ANO3: variants seen among roughly 807,000 people sequenced by gnomAD.
ANO3 encodes anoctamin 3, also known as anoctamin-3.
A neutral mutation model predicts 144.8 loss-of-function variants in ANO3; 99 were observed. The ratio of observed to expected loss-of-function variants is 0.68; its 90% CI spans 0.58 to 0.81. The LOEUF (loss-of-function observed/expected upper bound fraction) is 0.81, where lower values mean the gene tolerates loss of function less well. ANO3 is among the 30% of genes least tolerant of loss of function. ANO3 has a pLI of 0.00. For synonymous variants in ANO3, 414 were observed against 392.6 expected (o/e 1.05, Z -0.64); for missense variants, 905 against 1,202.2 (o/e 0.75, Z 3.66).
chr11:26,303,439 C>G (rs771218204), intron 1 of ANO3, among the ~76,000 whole-genome samples: 1 of 152,102 alleles, frequency 6.6e-6, no homozygotes, highest in East Asian at 1.9e-4. Context: ...CGAACTAATG[C>G]AGGAACAGAA....
chr11:26,553,078 T>C (rs889060158), intron 12 of ANO3, among the ~76,000 whole-genome samples, 171 bp from the exon 13 acceptor site: 1 of 148,924 alleles, frequency 6.7e-6, no homozygotes, highest in Non-Finnish European at 1.5e-5. Context: ...TTCTAAAGTG[T>C]TTGAATTGGA....
intron 14 of ANO3, among the ~76,000 whole-genome samples, chr11:26,585,592 T>C (rs1249176850): frequency 5.3e-5 from 8 of 152,170 alleles, no homozygotes; most frequent in Admixed American, 5.2e-4. Context: ...TACATCCCTA[T>C]CTACCTATCT....
At chr11:26,545,084 T>C (rs2134212672) in intron 11 of ANO3, among the ~76,000 whole-genome samples, 1 of 152,152 alleles carries the variant, frequency 6.6e-6, no homozygotes, top group Middle Eastern at 3.4e-3. Context: ...ACAAGCCCCA[T>C]TTTTCTACAA....
At chr11:26,242,707 A>C (rs1852688121) in intron 1 of ANO3, among the ~76,000 whole-genome samples, 1 of 152,224 alleles carries the variant, frequency 6.6e-6, no homozygotes, top group Non-Finnish European at 1.5e-5. Flanking sequence ...TTGCTAGCTT[A>C]CCAAGTAGCA....
intron 4 of ANO3, among the ~76,000 whole-genome samples, chr11:26,482,426 ATGTGTGTGTGTGTGTGTGTGTG>A (rs58664691): frequency 1.4e-5 from 2 of 141,046 alleles, no homozygotes; most frequent in African/African-American, 2.6e-5. Context: ...ACACAGATAT[ATGTGTGTGTGTGTGTGTGTGTG>A]TGTGTGTGTG....
At chr11:26,595,470 T>G (rs1015779975) in intron 14 of ANO3, among the ~76,000 whole-genome samples, 5 of 144,256 alleles carry the variant, frequency 3.5e-5, no homozygotes, top group Non-Finnish European at 1.5e-5. Context: ...GTTTTTTTTT[T>G]TTTTTTTTTT....
intron 1 of ANO3, among the ~76,000 whole-genome samples, chr11:26,246,585 TAATTTA>T (rs1299251477): frequency 3.5e-4 from 52 of 149,688 alleles, no homozygotes; most frequent in African/African-American, 1.2e-3. Flanking sequence ...TTTTTCATAA[TAATTTA>T]CCTTATTTTT....
chr11:26,514,598 T>C (rs562206905), intron 5 of ANO3, among the ~76,000 whole-genome samples: 246 of 152,230 alleles, frequency 1.6e-3, no homozygotes, highest in African/African-American at 5.6e-3. Flanking sequence ...TTATAGCATG[T>C]GATTTCTTCC....
chr11:26,493,473 TC>T (rs1419789752), intron 4 of ANO3, among the ~76,000 whole-genome samples: 6 of 152,298 alleles, frequency 3.9e-5, no homozygotes, highest in African/African-American at 1.4e-4. Flanking sequence ...GTGTTTGGCC[TC>T]CAAATAAGGG....
chr11:26,270,717 A>T, intron 1 of ANO3, among the ~76,000 whole-genome samples: 1 of 152,202 alleles, frequency 6.6e-6, no homozygotes, highest in Non-Finnish European at 1.5e-5. Context: ...AAATGAGAAA[A>T]ATACAGACCT....
intron 1 of ANO3, among the ~76,000 whole-genome samples, chr11:26,271,170 T>C (rs1353868910): frequency 6.6e-6 from 1 of 152,216 alleles, no homozygotes; most frequent in Non-Finnish European, 1.5e-5. Context: ...AGAATGAGAA[T>C]GTAGAAAGAG....
chr11:26,469,909 A>AACCG (rs1859721097), intron 4 of ANO3, among the ~76,000 whole-genome samples: 1 of 3,482 alleles, frequency 2.9e-4, no homozygotes, highest in East Asian at 0.012. Flanking sequence ...ATGTTTTTTG[A>AACCG]AATTAGAAAT....
intron 1 of ANO3, among the ~76,000 whole-genome samples, chr11:26,395,606 G>A (rs577912318): frequency 5.3e-5 from 8 of 152,126 alleles, no homozygotes; most frequent in Non-Finnish European, 1.0e-4. Flanking sequence ...AGGAATGCTT[G>A]TGATTTTTGC....
At chr11:26,495,099 A>ATTTATTTG (rs1860878379) in intron 4 of ANO3, among the ~76,000 whole-genome samples, 1 of 149,464 alleles carries the variant, frequency 6.7e-6, no homozygotes, top group Admixed American at 6.7e-5. Flanking sequence ...TTATTTATTT[A>ATTTATTTG]TTTATTTATT....
At chr11:26,516,731 C>A in intron 5 of ANO3, 96 bp from the exon 6 acceptor site, 3 of 781,030 alleles carry the variant, frequency 3.8e-6, no homozygotes, top group Non-Finnish European at 4.2e-6. Flanking sequence ...CATGCATAGT[C>A]AAGGGGACAA....
At chr11:26,220,594 C>G (rs1231582225) in intron 1 of ANO3, among the ~76,000 whole-genome samples, 1 of 152,230 alleles carries the variant, frequency 6.6e-6, no homozygotes, top group Non-Finnish European at 1.5e-5. Context: ...TGAGGAATAT[C>G]TGGTGAACCG....
intron 17 of ANO3, among the ~76,000 whole-genome samples, chr11:26,605,873 T>TAA (rs142190718): frequency 2.4e-4 from 36 of 151,218 alleles, no homozygotes; most frequent in South Asian, 1.5e-3. Flanking sequence ...GTTAATCTTT[T>TAA]AAAAAAAAAC....
chr11:26,228,576 A>G (rs968957596), intron 1 of ANO3, among the ~76,000 whole-genome samples: 1 of 152,294 alleles, frequency 6.6e-6, no homozygotes, highest in Admixed American at 6.5e-5. Context: ...AGAGAGGGGA[A>G]GGAATTGAGA....
chr11:26,357,822 G>C (rs1460457851), intron 1 of ANO3, among the ~76,000 whole-genome samples: 2 of 151,964 alleles, frequency 1.3e-5, no homozygotes, highest in African/African-American at 2.4e-5. Flanking sequence ...TTTTATGTAG[G>C]TATTGCATTC....
Sources: gnomAD v4.1 joint callset for allele counts (sites outside exome capture counted in the v4.1 genomes callset) on GRCh38, gnomAD v4.1.1 for gene constraint, MANE v1.5 for transcripts, NCBI Gene and HGNC (gene_info 2026-07-23, HGNC 2026-07-21) for gene names.